Variants in AP4S1 observed in about 807,000 individuals in gnomAD.
AP4S1 encodes AP-4 complex subunit sigma-1.
AP4S1 carries 23 observed loss-of-function variants against 19.8 expected under a neutral mutation model. The ratio of observed to expected loss-of-function variants is 1.16; its 90% confidence interval spans 0.84 to 1.65. The LOEUF is 1.65. Among genes scored for constraint, AP4S1 ranks in the 40% most tolerant of loss-of-function variants. AP4S1 has a pLI of 0.00. For synonymous variants in AP4S1, 46 were observed against 54.1 expected (o/e 0.85, Z 0.66); for missense variants, 166 against 172.8 (o/e 0.96, Z 0.22).
chr14:31,090,110 T>C (rs2139126385), intron 5 of AP4S1, among the ~76,000 whole-genome samples: 1 of 152,176 alleles, frequency 6.6e-6, no homozygotes, highest in Middle Eastern at 3.4e-3. Context: ...TGCCTTAGCC[T>C]CCCGAGTAGC....
chr14:31,069,961 A>G, intron 3 of AP4S1, 32 bp downstream of exon 3: 1 of 1,539,372 alleles, frequency 6.5e-7, no homozygotes, highest in Middle Eastern at 1.7e-4. Flanking sequence ...TGGAAAATGC[A>G]AGAATTTCTT....
At chr14:31,080,802 A>G (rs901884719) in intron 5 of AP4S1, among the ~76,000 whole-genome samples, 1 of 151,946 alleles carries the variant, frequency 6.6e-6, no homozygotes, top group African/African-American at 2.4e-5. Context: ...TCTTTTTAAG[A>G]TGGAGTTTCG....
intron 1 of AP4S1, chr14:31,026,629 C>G (rs548863464): frequency 1.3e-5 from 2 of 158,106 alleles, no homozygotes; most frequent in East Asian, 1.9e-4. Flanking sequence ...CCCTCAGACC[C>G]GATCCGGTGT....
chr14:31,080,497 T>C (rs1294562395), intron 4 of AP4S1, 76 bp from the exon 5 acceptor site: 11 of 1,282,894 alleles, frequency 8.6e-6, no homozygotes, highest in Non-Finnish European at 1.2e-5. Context: ...CAGAAGCCTC[T>C]TCAGTCTGAC....
At chr14:31,045,144 C>T (rs780943763) in intron 1 of AP4S1, among the ~76,000 whole-genome samples, 9 of 152,254 alleles carry the variant, frequency 5.9e-5, no homozygotes, top group Admixed American at 2.6e-4. Context: ...TCAAGTGATC[C>T]GCCCGCTTCG....
intron 1 of AP4S1, among the ~76,000 whole-genome samples, chr14:31,052,135 A>G (rs1286660284): frequency 6.6e-6 from 1 of 151,976 alleles, no homozygotes; most frequent in Non-Finnish European, 1.5e-5. Flanking sequence ...GTTAGGTGTG[A>G]TGACGTGTGC....
chr14:31,084,045 A>C (rs1469944553), intron 5 of AP4S1, among the ~76,000 whole-genome samples: 1 of 152,226 alleles, frequency 6.6e-6, no homozygotes, highest in East Asian at 1.9e-4. Flanking sequence ...CACTGCTTAT[A>C]TCCACTCTGC....
At position 31,095,673 on chromosome 14, in the gene AP4S1, C is replaced by G. The variant is rs1213023265; in HGVS notation, c.*2638C>G. 1 of 152,238 alleles carries G rather than the reference C, an allele frequency of 6.6e-6. No individual in the cohort carries two copies. Among genetic ancestry groups the G allele is most frequent in the South Asian group, 2.1e-4 (1 of 4,830 alleles). The allele number at this position is 152,238 out of a possible 1,614,324, so 9.4% of individuals were successfully genotyped here. A position where few individuals can be genotyped will look rare whatever the true frequency, so the allele number is the denominator to read the frequency against. ...CAGTCACATGATCCATCTGCCTTCG[C>G]CTTCCAAAGTGTTGGGATTACAGGC... is the stretch of plus-strand genomic sequence containing the variant. On this transcript the variant is annotated 3_prime_UTR_variant, in exon 6 of 6. Coordinates refer to ENST00000542754, the MANE Select transcript of AP4S1 (RefSeq NM_001128126.3).
chr14:31,061,149 G>A (rs566468302), intron 1 of AP4S1, among the ~76,000 whole-genome samples: 76 of 152,200 alleles, frequency 5.0e-4, no homozygotes, highest in African/African-American at 1.7e-3. Flanking sequence ...CCAAAGTGCT[G>A]GGATTACAGG....
chr14:31,073,994 A>G (rs1395254973), intron 4 of AP4S1, among the ~76,000 whole-genome samples: 5 of 152,142 alleles, frequency 3.3e-5, no homozygotes, highest in Non-Finnish European at 7.3e-5. Context: ...TTTAATAGCT[A>G]TATTGAAATA....
At chr14:31,074,368 G>C (rs760140500) in intron 4 of AP4S1, among the ~76,000 whole-genome samples, 1 of 143,614 alleles carries the variant, frequency 7.0e-6, no homozygotes, top group Admixed American at 6.9e-5. Flanking sequence ...AATAAATAAA[G>C]TAAGCTGGGC....
chr14:31,050,276 G>A (rs1885712888), intron 1 of AP4S1, among the ~76,000 whole-genome samples: 2 of 151,576 alleles, frequency 1.3e-5, no homozygotes, highest in Admixed American at 6.6e-5. Flanking sequence ...GGCTGGTCTC[G>A]AACGAACTCC....
At chr14:31,035,578 A>G (rs2139426349) in intron 1 of AP4S1, among the ~76,000 whole-genome samples, 1 of 149,144 alleles carries the variant, frequency 6.7e-6, no homozygotes, top group East Asian at 1.9e-4. Context: ...AAAGATGGTA[A>G]TTCCAAATCA....
At chr14:31,049,306 C>T (rs1392987574) in intron 1 of AP4S1, among the ~76,000 whole-genome samples, 8 of 147,754 alleles carry the variant, frequency 5.4e-5, no homozygotes, top group Admixed American at 1.4e-4. Flanking sequence ...CCCAGCTACT[C>T]GGGAGGCTGA....
At chr14:31,046,676 G>A (rs1030500764) in intron 1 of AP4S1, among the ~76,000 whole-genome samples, 7 of 151,790 alleles carry the variant, frequency 4.6e-5, no homozygotes, top group African/African-American at 1.5e-4. Context: ...AAACCCCGTC[G>A]CTACTAAAAA....
At chr14:31,066,584 A>T (rs962067142) in intron 2 of AP4S1, among the ~76,000 whole-genome samples, 1 of 152,210 alleles carries the variant, frequency 6.6e-6, no homozygotes, top group African/African-American at 2.4e-5. Flanking sequence ...GTCTCAATGC[A>T]CCTTGGAAAC....
At chr14:31,080,783 C>CT (rs889344499) in intron 5 of AP4S1, 199 bp downstream of exon 5, 496 of 720,120 alleles carry the variant, frequency 6.9e-4, no homozygotes, top group Admixed American at 1.3e-3. Context: ...CAAGGCGATT[C>CT]TTTTTTTTTC....
Position 31,072,958 on chromosome 14 carries a change from G to C in AP4S1, c.279G>C (p.Glu93Asp), listed in dbSNP as rs1177261674. 2.5e-6 allele frequency: 4 copies of C among 1,613,750 alleles called. No homozygotes were observed. The African/African-American group carries it at 4.0e-5, about 16-fold the overall frequency. Reference protein sequence around the residue: ...FIHNFVEVLDEYFSRVSELDI... With the variant: ...FIHNFVEVLDDYFSRVSELDI... Reference sequence around the variant, plus strand: ...ATAACTTTGTGGAAGTTTTAGATGAGTATTTCAGCCGAGTGGTAAGTCTAA... The same window carrying C: ...ATAACTTTGTGGAAGTTTTAGATGACTATTTCAGCCGAGTGGTAAGTCTAA... Residue 93 changes from glutamate (E) to aspartate (D), a missense_variant, in exon 4 of 6, where the codon GAG becomes GAC. Coordinates refer to ENST00000542754, the MANE Select transcript of AP4S1 (RefSeq NM_001128126.3).
At chr14:31,026,130 CG>C in intron 1 of AP4S1, 2 of 1,497,432 alleles carry the variant, frequency 1.3e-6, no homozygotes, top group South Asian at 1.3e-5. Flanking sequence ...CTGCTGCTGC[CG>C]GGGAGGGGCC....
Sources: gnomAD v4.1 joint callset for allele counts (sites outside exome capture counted in the v4.1 genomes callset) on GRCh38, gnomAD v4.1.1 for gene constraint, MANE v1.5 for transcripts, NCBI Gene and HGNC (gene_info 2026-07-23, HGNC 2026-07-21) for gene names.